The following CDK14 variants were observed in gnomAD, a reference collection of about 807,000 sequenced individuals.
CDK14 encodes the protein cyclin dependent kinase 14.
In CDK14, 34 loss-of-function variants were observed where a neutral mutation model predicts 60.7. That is an observed-to-expected ratio of 0.56 (90% CI 0.43 to 0.75). The LOEUF (loss-of-function observed/expected upper bound fraction) is 0.75, where lower values mean the gene tolerates loss of function less well. CDK14 is among the 30% of genes least tolerant of loss of function. CDK14 has a pLI of 0.00. For synonymous variants in CDK14, 197 were observed against 203.7 expected, an observed-to-expected ratio of 0.97 and a Z score of 0.28; for missense variants, 482 against 564.1, an observed-to-expected ratio of 0.85 and a Z score of 1.47.
At chr7:90,676,142 T>A (rs1584786793) in intron 2 of CDK14, among the ~76,000 whole-genome samples, 1 of 152,228 alleles carries the variant, frequency 6.6e-6, no homozygotes, top group African/African-American at 2.4e-5. Context: ...GCTTTCACAA[T>A]CATAGAGGTT....
intron 5 of CDK14, among the ~76,000 whole-genome samples, chr7:90,824,243 A>C (rs928214639): frequency 1.1e-5 from 1 of 87,946 alleles, no homozygotes; most frequent in Admixed American, 1.3e-4. Flanking sequence ...AATCCACACA[A>C]CTACTCTGGG....
chr7:91,068,492 C>CAAATAATAATT (rs996299558), intron 11 of CDK14, among the ~76,000 whole-genome samples: 2 of 152,118 alleles, frequency 1.3e-5, no homozygotes, highest in Non-Finnish European at 2.9e-5. Context: ...ATTTCTTCTC[C>CAAATAATAATT]AAATAATAAT....
intron 14 of CDK14, among the ~76,000 whole-genome samples, chr7:91,132,897 C>T (rs182314899): frequency 6.6e-6 from 1 of 152,212 alleles, no homozygotes; most frequent in East Asian, 1.9e-4. Context: ...CTTGATTATA[C>T]ATTTATCAGC....
chr7:90,659,108 A>T (rs1220951184), intron 2 of CDK14, among the ~76,000 whole-genome samples: 1 of 152,220 alleles, frequency 6.6e-6, no homozygotes, highest in Non-Finnish European at 1.5e-5. Context: ...AGAATGCATG[A>T]CAGTCTTTCC....
chr7:90,836,022 G>A (rs1365002253), intron 5 of CDK14, among the ~76,000 whole-genome samples: 1 of 152,158 alleles, frequency 6.6e-6, no homozygotes. Flanking sequence ...CCTATATAGA[G>A]CACTTACCAT....
intron 10 of CDK14, among the ~76,000 whole-genome samples, chr7:91,036,465 T>C (rs1270822735): frequency 1.3e-5 from 2 of 152,168 alleles, no homozygotes; most frequent in Non-Finnish European, 2.9e-5. Context: ...GATGTGGATT[T>C]TTTTTCAATT....
intron 10 of CDK14, among the ~76,000 whole-genome samples, chr7:91,009,611 T>C (rs1796092451): frequency 6.6e-6 from 1 of 152,214 alleles, no homozygotes; most frequent in Admixed American, 6.5e-5. Flanking sequence ...CATCTTTTCA[T>C]GTACTTGTTT....
At chr7:90,602,374 T>A (rs562229536) in intron 1 of CDK14, among the ~76,000 whole-genome samples, 1 of 152,330 alleles carries the variant, frequency 6.6e-6, no homozygotes, top group Non-Finnish European at 1.5e-5. Flanking sequence ...GGCTATTAAT[T>A]TCTTATTCCT....
intron 2 of CDK14, among the ~76,000 whole-genome samples, chr7:90,654,565 G>T (rs762896031): frequency 6.6e-6 from 1 of 152,088 alleles, no homozygotes; most frequent in Non-Finnish European, 1.5e-5. Flanking sequence ...TTCACCGTAA[G>T]AACTCTCCAT....
At chr7:90,889,325 C>T (rs1792043807) in intron 6 of CDK14, among the ~76,000 whole-genome samples, 2 of 152,154 alleles carry the variant, frequency 1.3e-5, no homozygotes, top group African/African-American at 2.4e-5. Context: ...TCCATGATGT[C>T]ATTGCCAGAA....
chr7:91,032,676 A>AC (rs1177364286), intron 10 of CDK14, among the ~76,000 whole-genome samples: 3 of 151,844 alleles, frequency 2.0e-5, no homozygotes, highest in African/African-American at 7.3e-5. Context: ...TCTCCCCTAA[A>AC]CCCCCCAGAG....
At chr7:90,712,894 T>C (rs1190989204) in intron 2 of CDK14, among the ~76,000 whole-genome samples, 1 of 152,114 alleles carries the variant, frequency 6.6e-6, no homozygotes, top group Non-Finnish European at 1.5e-5. Context: ...TCAGAGACTC[T>C]TAGAGCTGGC....
At chr7:90,605,743 C>T (rs1233609552) in intron 2 of CDK14, among the ~76,000 whole-genome samples, 1 of 152,034 alleles carries the variant, frequency 6.6e-6, no homozygotes, top group Non-Finnish European at 1.5e-5. Context: ...CTTCTTTCTC[C>T]GTGTTTTAAA....
At chr7:91,137,122 A>G (rs1800304255) in intron 14 of CDK14, among the ~76,000 whole-genome samples, 1 of 152,180 alleles carries the variant, frequency 6.6e-6, no homozygotes, top group Admixed American at 6.6e-5. Flanking sequence ...TGTGGATAAA[A>G]TTGTGCTTGC....
At chr7:90,671,182 C>G (rs746337156) in intron 2 of CDK14, among the ~76,000 whole-genome samples, 1 of 152,018 alleles carries the variant, frequency 6.6e-6, no homozygotes, top group Non-Finnish European at 1.5e-5. Context: ...TTGTGATGAT[C>G]GTGCAGATTG....
In CDK14 at chr7:90,837,445, A is replaced by G. The variant is rs368833197; in HGVS notation, c.545-25730A>G. ...TGGGACTGCAGGTGCCCACCACCAC[A>G]CCCGGCTAATTAAATAATATTTCTA... On this transcript the variant is annotated intron_variant, in intron 5 of 14. Transcript: ENST00000380050. Among the ~76,000 whole-genome samples, 7 of 151,726 alleles carry G rather than the reference A, an allele frequency of 4.6e-5. No homozygotes were observed. The South Asian group carries it at 6.3e-4, about 14-fold the overall frequency.
At chr7:90,903,759 G>A (rs761153267) in intron 7 of CDK14, among the ~76,000 whole-genome samples, 2 of 151,812 alleles carry the variant, frequency 1.3e-5, no homozygotes, top group Non-Finnish European at 2.9e-5. Context: ...TTGAGGTCAG[G>A]GATATCCTAA....
intron 9 of CDK14, among the ~76,000 whole-genome samples, chr7:90,976,588 C>T (rs1286697642): frequency 6.6e-6 from 1 of 151,836 alleles, no homozygotes; most frequent in African/African-American, 2.4e-5. Context: ...GTCTTGAACT[C>T]CCTAGCCTCA....
chr7:90,720,253 C>T (rs959707554), intron 2 of CDK14, among the ~76,000 whole-genome samples: 9 of 152,010 alleles, frequency 5.9e-5, no homozygotes, highest in Admixed American at 2.0e-4. Flanking sequence ...AGGATTGGTC[C>T]GAGTGGGTGG....
Sources: gnomAD v4.1 joint callset for allele counts (sites outside exome capture counted in the v4.1 genomes callset) on GRCh38, gnomAD v4.1.1 for gene constraint, MANE v1.5 for transcripts, NCBI Gene and HGNC (gene_info 2026-07-23, HGNC 2026-07-21) for gene names.